Variants in ADK observed in about 807,000 individuals in gnomAD.
ADK encodes N6,N6-dimethyladenosine kinase.
In ADK, 24 loss-of-function variants were observed where a neutral mutation model predicts 44.7. The ratio of observed to expected loss-of-function variants is 0.54; its 90% CI spans 0.39 to 0.76. The LOEUF is 0.76. Ranked by LOEUF, ADK falls within the 30% of genes least tolerant of loss-of-function variation. The probability of loss-of-function intolerance (pLI) is 0.00; values close to 1 mark genes in which losing one functional copy is unlikely to be tolerated. For missense variants in ADK, 321 were observed against 425.1 expected (o/e 0.76, Z 2.15); for synonymous variants, 128 against 142.6 (o/e 0.90, Z 0.73).
At chr10:74,479,182 A>G (rs897912170) in intron 6 of ADK, among the ~76,000 whole-genome samples, 5 of 151,614 alleles carry the variant, frequency 3.3e-5, no homozygotes, top group African/African-American at 1.2e-4. Flanking sequence ...TATTTTTTGT[A>G]AAGACGTGGT....
chr10:74,668,561 A>G (rs1052186257), intron 9 of ADK, among the ~76,000 whole-genome samples: 2 of 152,058 alleles, frequency 1.3e-5, no homozygotes, highest in African/African-American at 4.8e-5. Flanking sequence ...ACATGGCAAA[A>G]CCTATCTCTA....
intron 6 of ADK, among the ~76,000 whole-genome samples, chr10:74,463,102 T>TA (rs1306531739): frequency 6.6e-6 from 1 of 151,920 alleles, no homozygotes; most frequent in African/African-American, 2.4e-5. Flanking sequence ...AGTTTTAAAA[T>TA]AAAAAATCTT....
At chr10:74,569,852 C>G (rs1247253742) in intron 7 of ADK, among the ~76,000 whole-genome samples, 1 of 152,264 alleles carries the variant, frequency 6.6e-6, no homozygotes, top group East Asian at 1.9e-4. Flanking sequence ...CTTGCCCATG[C>G]CTATGTCCTG....
chr10:74,643,463 C>A (rs941716537), intron 9 of ADK, among the ~76,000 whole-genome samples: 1 of 152,116 alleles, frequency 6.6e-6, no homozygotes, highest in Non-Finnish European at 1.5e-5. Context: ...GTCTAAGCTT[C>A]TATTAAAACT....
At chr10:74,517,873 T>C (rs993806281) in intron 6 of ADK, among the ~76,000 whole-genome samples, 1 of 152,198 alleles carries the variant, frequency 6.6e-6, no homozygotes, top group African/African-American at 2.4e-5. Context: ...TTTCTTCTTT[T>C]AGTAATTCTG....
chr10:74,199,832 A>G (rs1371956497), intron 1 of ADK, among the ~76,000 whole-genome samples: 1 of 151,926 alleles, frequency 6.6e-6, no homozygotes, highest in Admixed American at 6.6e-5. Context: ...GGTGCTCGCC[A>G]CTACACCTGG....
Position 74,367,612 on chromosome 10 carries a change from A to G in ADK, c.274-26529A>G, listed in dbSNP as rs1281346853. 3.3e-5 allele frequency among the ~76,000 whole-genome samples: 5 copies of G among 152,210 alleles called. 1 individual carries two copies. Among genetic ancestry groups the G allele is most frequent in the African/African-American group, 1.2e-4 (5 of 41,448 alleles). On this transcript the variant is annotated intron_variant, in intron 4 of 10. Coordinates refer to ENST00000539909, the MANE Select transcript of ADK (RefSeq NM_006721.4). ...ACCAGTACTCGGTGCTTTTGCAGTC[A>G]TTTGTAAACATATTTGGAGAAGCAA... is the stretch of plus-strand genomic sequence containing the variant.
intron 6 of ADK, among the ~76,000 whole-genome samples, chr10:74,412,735 G>A (rs1564707282): frequency 6.6e-6 from 1 of 152,054 alleles, no homozygotes; most frequent in Non-Finnish European, 1.5e-5. Context: ...TTTTTTCTGA[G>A]CAGTAGATCT....
At chr10:74,257,531 T>C (rs1049416995) in intron 3 of ADK, among the ~76,000 whole-genome samples, 13 of 152,202 alleles carry the variant, frequency 8.5e-5, no homozygotes, top group Non-Finnish European at 1.9e-4. Context: ...TAATTTTATA[T>C]CAATTGAGCA....
intron 7 of ADK, among the ~76,000 whole-genome samples, chr10:74,581,110 AAATATT>A (rs757949870): frequency 3.3e-5 from 5 of 152,102 alleles, no homozygotes; most frequent in African/African-American, 4.8e-5. Flanking sequence ...TAATGAGGAG[AAATATT>A]AATAGAAATG....
intron 9 of ADK, among the ~76,000 whole-genome samples, chr10:74,667,883 G>A (rs1244099770): frequency 6.6e-6 from 1 of 152,038 alleles, no homozygotes; most frequent in Non-Finnish European, 1.5e-5. Context: ...TTCCGTTGTC[G>A]ATTAGGTTCT....
At chr10:74,392,629 A>G (rs895594566) in intron 4 of ADK, among the ~76,000 whole-genome samples, 12 of 152,114 alleles carry the variant, frequency 7.9e-5, no homozygotes, top group African/African-American at 1.7e-4. Flanking sequence ...GCCATGCAGA[A>G]GTTAAGCTTG....
intron 10 of ADK, among the ~76,000 whole-genome samples, chr10:74,678,503 T>C (rs1380214652): frequency 6.6e-6 from 1 of 152,186 alleles, no homozygotes; most frequent in African/African-American, 2.4e-5. Context: ...AGACCTAATA[T>C]CCTGAATGGC....
At chr10:74,581,502 T>C (rs1851373511) in intron 7 of ADK, among the ~76,000 whole-genome samples, 1 of 152,038 alleles carries the variant, frequency 6.6e-6, no homozygotes, top group South Asian at 2.1e-4. Flanking sequence ...AGAAAAAATA[T>C]TTGAAGACAT....
At chr10:74,586,329 G>A (rs1851524521) in intron 7 of ADK, among the ~76,000 whole-genome samples, 2 of 152,064 alleles carry the variant, frequency 1.3e-5, no homozygotes, top group South Asian at 4.2e-4. Flanking sequence ...CTAGTGATAG[G>A]GCACAGCTCA....
At chr10:74,319,340 T>G (rs1347577294) in intron 4 of ADK, among the ~76,000 whole-genome samples, 1 of 152,204 alleles carries the variant, frequency 6.6e-6, no homozygotes, top group Non-Finnish European at 1.5e-5. Context: ...TGTTGACACC[T>G]TGATTCCTTC....
chr10:74,375,449 G>A (rs1842787581), intron 4 of ADK, among the ~76,000 whole-genome samples: 1 of 152,184 alleles, frequency 6.6e-6, no homozygotes, highest in Non-Finnish European at 1.5e-5. Flanking sequence ...GTGCAAGAAT[G>A]GATGTAGGCA....
At position 74,639,982 on chromosome 10, in the gene ADK, GT is replaced by G. The variant is rs1252535768; in HGVS notation, c.878-30198del. On this transcript the variant is annotated intron_variant, in intron 9 of 10. Coordinates refer to ENST00000539909, the MANE Select transcript of ADK (RefSeq NM_006721.4). ...TCATACTTTAAAAAACATATCAGTT[GT>G]TTCTAAAAGAACATATTCCTTTTAG... Among the ~76,000 whole-genome samples, 4 of 152,272 alleles carry G rather than the reference GT, an allele frequency of 2.6e-5. No homozygotes were observed. The East Asian group carries it at 7.7e-4, about 29-fold the overall frequency.
chr10:74,394,764 C>G (rs536585058), intron 5 of ADK, among the ~76,000 whole-genome samples: 2 of 152,180 alleles, frequency 1.3e-5, no homozygotes, highest in Admixed American at 6.5e-5. Flanking sequence ...CATTCAGGCT[C>G]GTAAGACTTA....
Sources: gnomAD v4.1 joint callset for allele counts (sites outside exome capture counted in the v4.1 genomes callset) on GRCh38, gnomAD v4.1.1 for gene constraint, MANE v1.5 for transcripts, NCBI Gene and HGNC (gene_info 2026-07-23, HGNC 2026-07-21) for gene names.